Variants in UBR3 observed in about 807,000 individuals in gnomAD.
UBR3 encodes ubiquitin protein ligase E3 component n-recognin 3, also known as E3 ubiquitin-protein ligase UBR3.
Under a neutral mutation model 243.2 loss-of-function variants are expected in UBR3, and 85 were observed. That is an observed-to-expected ratio of 0.35 (90% CI 0.29 to 0.42). The LOEUF is 0.42. Ranked by LOEUF, UBR3 falls within the 10% of genes least tolerant of loss-of-function variation. The probability of loss-of-function intolerance (pLI) is 1.00; values close to 1 mark genes in which losing one functional copy is unlikely to be tolerated. For missense variants in UBR3, 1,686 were observed against 2,300.8 expected (o/e 0.73, Z 5.47); for synonymous variants, 748 against 799.8 (o/e 0.94, Z 1.09).
intron 5 of UBR3, among the ~76,000 whole-genome samples, chr2:169,882,164 CAT>C (rs1390901861): frequency 3.2e-5 from 4 of 126,418 alleles, no homozygotes; most frequent in Non-Finnish European, 4.7e-5. Flanking sequence ...ATATATTTAT[CAT>C]ATTTATATGT....
chr2:169,891,690 CAT>C (rs1244070012), intron 6 of UBR3, among the ~76,000 whole-genome samples: 11 of 151,690 alleles, frequency 7.3e-5, no homozygotes, highest in South Asian at 2.1e-4. Flanking sequence ...AGTAGGGACT[CAT>C]GTGTTTACTC....
chr2:169,827,665 C>A lies in UBR3; in HGVS notation c.158C>A (p.Ala53Glu). The A allele has an allele frequency of 2.4e-6, 3 of 1,235,570 alleles. No homozygotes were observed. The highest frequency in any genetic ancestry group is 3.0e-6 in the Non-Finnish European group (3 of 991,978). The allele number at this position is 1,235,570 out of a possible 1,614,324, so 76.5% of individuals were successfully genotyped here. ...DNRAGAEELQ[A>E]LLERVLSAER... Reference sequence around the variant, plus strand: ...CGCGCAGGTGCTGAGGAGCTGCAGGCGCTGCTGGAGCGGGTGCTGAGCGCC... The same window carrying A: ...CGCGCAGGTGCTGAGGAGCTGCAGGAGCTGCTGGAGCGGGTGCTGAGCGCC... Residue 53 changes from alanine (A) to glutamate (E), a missense_variant, in exon 1 of 39, where the codon GCG (alanine) becomes GAG (glutamate). Transcript: ENST00000272793.
At chr2:170,056,215 C>T (rs551785061) in intron 33 of UBR3, among the ~76,000 whole-genome samples, 2 of 152,070 alleles carry the variant, frequency 1.3e-5, no homozygotes, top group African/African-American at 4.8e-5. Context: ...ACCATGTTGG[C>T]CAGGCTGGTC....
intron 31 of UBR3, among the ~76,000 whole-genome samples, chr2:170,038,588 G>C (rs1489420748): frequency 6.6e-6 from 1 of 152,174 alleles, no homozygotes; most frequent in Admixed American, 6.5e-5. Flanking sequence ...TGGCAAAGAG[G>C]AAGTAGAGAT....
At chr2:170,080,344 T>C in intron 37 of UBR3, 2 of 654,430 alleles carry the variant, frequency 3.1e-6, no homozygotes, top group East Asian at 2.9e-5. Context: ...TGGCTCTTAA[T>C]TGCTTTACTA....
Position 170,055,463 on chromosome 2 carries a change from A to G in UBR3, c.4664A>G (p.His1555Arg). ...LMMPQPLRKD[H>R]FTCIVKVLFT... ...AATGATTTTTTTTCTCTTGCAGACC[A>G]CTTTACCTGCATTGTGAAGGTACTT... is the stretch of plus-strand genomic sequence containing the variant. The change falls in exon 33 of 39, where the codon CAC (histidine) becomes CGC (arginine). Residue 1555 changes from histidine (H) to arginine (R), a missense_variant. His to Arg is a conservative substitution (Grantham distance 29). Transcript: ENST00000272793. 6.2e-7 allele frequency: 1 copy of G among 1,612,758 alleles called. No homozygotes were observed. The highest frequency in any genetic ancestry group is 8.5e-7 in the Non-Finnish European group (1 of 1,179,380).
At chr2:169,847,855 T>C (rs2082534639) in intron 1 of UBR3, among the ~76,000 whole-genome samples, 1 of 152,228 alleles carries the variant, frequency 6.6e-6, no homozygotes, top group Non-Finnish European at 1.5e-5. Flanking sequence ...TGGCCTTTGG[T>C]AGTTTCCATA....
chr2:169,992,044 G>C (rs2089296754), intron 25 of UBR3, among the ~76,000 whole-genome samples: 1 of 152,046 alleles, frequency 6.6e-6, no homozygotes, highest in Non-Finnish European at 1.5e-5. Context: ...CATTAAAAAA[G>C]ATTCAAATAA....
intron 9 of UBR3, among the ~76,000 whole-genome samples, chr2:169,905,783 T>A (rs1206531351): frequency 6.6e-6 from 1 of 152,248 alleles, no homozygotes; most frequent in Non-Finnish European, 1.5e-5. Context: ...TTTGACTTTC[T>A]TATCAAAAGA....
intron 30 of UBR3, chr2:170,016,840 C>G (rs1299732175): frequency 4.7e-6 from 4 of 845,164 alleles, no homozygotes; most frequent in Admixed American, 9.7e-5. Flanking sequence ...CAGACTTTTG[C>G]TTCATTATTT....
At position 170,008,802 on chromosome 2, in the gene UBR3, A is replaced by T; in HGVS notation, c.4231-2A>T. On this transcript the variant is annotated splice_acceptor_variant, in intron 28 of 38. Coordinates refer to ENST00000272793, the MANE Select transcript of UBR3 (RefSeq NM_172070.4). LOFTEE classifies it high-confidence loss of function. ...TATATGTATGTTTGCATTTTTTTATAGTCAGAAACAAATTTAAGTAAAGAA... is the reference window on the plus strand; with the variant it reads ...TATATGTATGTTTGCATTTTTTTATTGTCAGAAACAAATTTAAGTAAAGAA... 2 of 1,250,474 alleles carry T rather than the reference A, an allele frequency of 1.6e-6. No individual in the cohort carries two copies. The highest frequency in any genetic ancestry group is 1.5e-5 in the African/African-American group (1 of 65,284). 77.5% of individuals were successfully genotyped at this position (1,250,474 alleles called of 1,614,324 possible). A position where few individuals can be genotyped will look rare whatever the true frequency, so the allele number is the denominator to read the frequency against.
chr2:169,878,525 G>T lies in UBR3; in HGVS notation c.989G>T (p.Gly330Val), dbSNP rs893323299. 1 of 1,550,938 alleles carries T rather than the reference G, an allele frequency of 6.4e-7. No individual in the cohort carries two copies. The highest frequency in any genetic ancestry group is 8.7e-7 in the Non-Finnish European group (1 of 1,146,558). ...CAACTATTTTTCTTCTCCTCCAAAG[G>T]TTTCATAGGCGCAACAGGAACTTTG... is the stretch of plus-strand genomic sequence containing the variant. ...SAGTSSLAVQ[G>V]FIGATGTLGQ... The change falls in exon 5 of 39, where the codon GGT becomes GTT. Residue 330 changes from glycine to valine, a missense_variant and splice_region_variant. Coordinates refer to ENST00000272793, the MANE Select transcript of UBR3 (RefSeq NM_172070.4).
intron 25 of UBR3, among the ~76,000 whole-genome samples, chr2:169,989,014 G>A (rs2089158505): frequency 6.6e-6 from 1 of 151,972 alleles, no homozygotes; most frequent in Non-Finnish European, 1.5e-5. Flanking sequence ...ATTTTTAACA[G>A]TATGCTAAGG....
At position 169,895,096 on chromosome 2, in the gene UBR3, C is replaced by T. The variant is rs1022765325; in HGVS notation, c.1106-85C>T. 3.1e-6 allele frequency: 4 copies of T among 1,290,408 alleles called. No homozygotes were observed. The African/African-American group carries it at 4.6e-5, about 15-fold the overall frequency. The allele number at this position is 1,290,408 out of a possible 1,614,324, so 79.9% of individuals were successfully genotyped here. Reference sequence around the variant, plus strand: ...TATTTTTAACTTTTAGATACTTTCCCATTTTATGGTTTATGGGTTATTAGT... The same window carrying T: ...TATTTTTAACTTTTAGATACTTTCCTATTTTATGGTTTATGGGTTATTAGT... On this transcript the variant is annotated intron_variant, in intron 6 of 38. Transcript: ENST00000272793.
chr2:169,865,592 G>A (rs902642385), intron 1 of UBR3, among the ~76,000 whole-genome samples: 4 of 152,072 alleles, frequency 2.6e-5, no homozygotes, highest in Admixed American at 2.6e-4. Flanking sequence ...TTGCTCTTTG[G>A]AATTGGTTTC....
At chr2:169,950,118 T>G in intron 23 of UBR3, 53 bp downstream of exon 23, 1 of 1,475,112 alleles carries the variant, frequency 6.8e-7, no homozygotes, top group Non-Finnish European at 9.1e-7. Context: ...AATTTGATAT[T>G]TTCTTCCTTT....
intron 24 of UBR3, among the ~76,000 whole-genome samples, chr2:169,958,746 G>T (rs558561964): frequency 6.6e-6 from 1 of 152,224 alleles, no homozygotes; most frequent in African/African-American, 2.4e-5. Context: ...CTTCCTGATG[G>T]TAGCAATATA....
chr2:170,063,759 T>A (rs2091498893), intron 35 of UBR3, among the ~76,000 whole-genome samples: 1 of 152,194 alleles, frequency 6.6e-6, no homozygotes, highest in East Asian at 1.9e-4. Flanking sequence ...TTTTCACTGA[T>A]GAACATCCAG....
rs187037167 is a variant in UBR3, at chr2:169,942,907, C to T, written c.2805+273C>T. Among the ~76,000 whole-genome samples the T allele has an allele frequency of 3.0e-4, 46 of 152,140 alleles. No individual in the cohort carries two copies. The East Asian group carries it at 6.2e-3, about 20-fold the overall frequency. ...TTCTGTAGAACAGTAAGTGAAATAC[C>T]GTGGAACTACAGGAGGTGTGGAATG... On this transcript the variant is annotated intron_variant, in intron 20 of 38. Transcript: ENST00000272793.
Sources: gnomAD v4.1 joint callset for allele counts (sites outside exome capture counted in the v4.1 genomes callset) on GRCh38, gnomAD v4.1.1 for gene constraint, MANE v1.5 for transcripts, NCBI Gene and HGNC (gene_info 2026-07-23, HGNC 2026-07-21) for gene names.